TSPAN9: variants seen among roughly 807,000 people sequenced by gnomAD.
TSPAN9 encodes the protein tetraspanin 9.
A neutral mutation model predicts 31.0 loss-of-function variants in TSPAN9; 16 were observed. The observed-to-expected ratio is 0.52, with a 90% CI of 0.35 to 0.78. The LOEUF is 0.78. Ranked by LOEUF, TSPAN9 falls within the 30% of genes least tolerant of loss-of-function variation. The pLI, the probability that TSPAN9 is intolerant of heterozygous loss-of-function variation, is 0.01. For missense variants in TSPAN9, 272 were observed against 312.5 expected (o/e 0.87, Z 0.98); for synonymous variants, 145 against 121.6 (o/e 1.19, Z -1.27).
chr12:3,238,389 G>A (rs1206649584), intron 3 of TSPAN9, among the ~76,000 whole-genome samples: 3 of 152,222 alleles, frequency 2.0e-5, no homozygotes, highest in Non-Finnish European at 4.4e-5. Context: ...AGCACAGTCC[G>A]CAGCTGCCAG....
chr12:3,178,563 T>A (rs1040240123), intron 2 of TSPAN9, among the ~76,000 whole-genome samples: 4 of 152,338 alleles, frequency 2.6e-5, no homozygotes, highest in Admixed American at 6.5e-5. Context: ...AGTGCTGGGA[T>A]TATAGGCGTG....
intron 2 of TSPAN9, among the ~76,000 whole-genome samples, chr12:3,132,698 C>T (rs2098330329): frequency 6.6e-6 from 1 of 152,214 alleles, no homozygotes; most frequent in Non-Finnish European, 1.5e-5. Flanking sequence ...GCGTGGACGA[C>T]TCCCACTTCC....
At chr12:3,137,284 G>A (rs2098332553) in intron 2 of TSPAN9, among the ~76,000 whole-genome samples, 7 of 152,172 alleles carry the variant, frequency 4.6e-5, no homozygotes, top group Admixed American at 4.6e-4. Context: ...CCGCAGCTGG[G>A]CCCTGCCCAC....
chr12:3,234,041 G>A (rs529986359), intron 3 of TSPAN9, among the ~76,000 whole-genome samples: 3 of 152,198 alleles, frequency 2.0e-5, no homozygotes, highest in African/African-American at 7.2e-5. Flanking sequence ...TTGTGTAAAC[G>A]TGGGTGTGTA....
chr12:3,186,546 TTGTGTGTGTGTGTGTG>T (rs61329208), intron 2 of TSPAN9, among the ~76,000 whole-genome samples: 4 of 135,860 alleles, frequency 2.9e-5, no homozygotes, highest in Non-Finnish European at 6.5e-5. Context: ...AGGAGTTTGT[TTGTGTGTGTGTGTGTG>T]TGTGTGTGTG....
chr12:3,260,026 A>G (rs1862418494), intron 3 of TSPAN9, among the ~76,000 whole-genome samples: 1 of 152,208 alleles, frequency 6.6e-6, no homozygotes, highest in African/African-American at 2.4e-5. Flanking sequence ...CTGTAGCTTG[A>G]GCAGGAAGAT....
chr12:3,124,860 C>G (rs967664845), intron 2 of TSPAN9: 2 of 152,080 alleles, frequency 1.3e-5, no homozygotes, highest in African/African-American at 2.4e-5. Context: ...GAGTTCGAGA[C>G]CAGCCTAGGC....
At position 3,286,159 on chromosome 12, in the gene TSPAN9, C is replaced by CT. The variant is rs1863012087; in HGVS notation, c.*3044dup. On this transcript the variant is annotated 3_prime_UTR_variant, in exon 9 of 9. Transcript: ENST00000011898. This position sits in a 1 kb window ranked among gnomAD's most constrained non-coding sequence, Gnocchi z 4.1. ...GCCCACCCACTGGTGGAGGTGCTAA[C>CT]TAGCAGGGACGTGGCATAGGATGGG... is the stretch of plus-strand genomic sequence containing the variant. The CT allele has an allele frequency of 6.5e-6, 1 of 152,810 alleles. No individual in the cohort carries two copies. The highest frequency in any genetic ancestry group is 2.4e-5 in the African/African-American group (1 of 41,468). The allele number at this position is 152,810 out of a possible 1,614,324, so 9.5% of individuals were successfully genotyped here. A position where few individuals can be genotyped will look rare whatever the true frequency, so the allele number is the denominator to read the frequency against.
intron 2 of TSPAN9, among the ~76,000 whole-genome samples, chr12:3,180,436 C>T (rs1395414232): frequency 2.0e-5 from 3 of 151,858 alleles, no homozygotes; most frequent in Non-Finnish European, 4.4e-5. Context: ...GTGATTGTAC[C>T]ACTGCACTCC....
At chr12:3,136,578 G>A (rs1243133432) in intron 2 of TSPAN9, among the ~76,000 whole-genome samples, 1 of 152,194 alleles carries the variant, frequency 6.6e-6, no homozygotes, top group Non-Finnish European at 1.5e-5. Flanking sequence ...CTCTCCTTTT[G>A]TCGTGAAGCG....
chr12:3,123,739 G>A (rs2098326166), intron 2 of TSPAN9, among the ~76,000 whole-genome samples: 1 of 152,128 alleles, frequency 6.6e-6, no homozygotes, highest in Non-Finnish European at 1.5e-5. Flanking sequence ...CACTCTCTGG[G>A]AGAGGGATGG....
chr12:3,103,222 G>A (rs953336699), intron 2 of TSPAN9, among the ~76,000 whole-genome samples: 1 of 152,198 alleles, frequency 6.6e-6, no homozygotes, highest in Non-Finnish European at 1.5e-5. Flanking sequence ...ACCAGTTCCT[G>A]CCTCAGAACA....
intron 2 of TSPAN9, chr12:3,173,731 G>A: frequency 6.6e-6 from 1 of 152,310 alleles, no homozygotes; most frequent in Middle Eastern, 3.4e-3. Context: ...GGTCTCAAGT[G>A]ATCCTGTTCC....
intron 3 of TSPAN9, among the ~76,000 whole-genome samples, chr12:3,231,462 A>G (rs1416829690): frequency 6.6e-6 from 1 of 152,216 alleles, no homozygotes; most frequent in African/African-American, 2.4e-5. Flanking sequence ...GTCCTGCATC[A>G]GCCCCGCGTC....
At chr12:3,154,893 A>T (rs1346669663) in intron 2 of TSPAN9, among the ~76,000 whole-genome samples, 1 of 152,186 alleles carries the variant, frequency 6.6e-6, no homozygotes, top group Non-Finnish European at 1.5e-5. Context: ...ACGTGATCAC[A>T]GTGAGCCCCT....
chr12:3,244,592 C>G (rs1310440293), intron 3 of TSPAN9, among the ~76,000 whole-genome samples: 1 of 152,182 alleles, frequency 6.6e-6, no homozygotes, highest in Admixed American at 6.5e-5. Flanking sequence ...CACCTCACGC[C>G]CCACCGGACC....
At chr12:3,112,815 T>TG (rs2098319838) in intron 2 of TSPAN9, among the ~76,000 whole-genome samples, 1 of 151,732 alleles carries the variant, frequency 6.6e-6, no homozygotes, top group Non-Finnish European at 1.5e-5. Flanking sequence ...CCCCCGTAGC[T>TG]GGGGCTATAG....
At chr12:3,224,875 T>G (rs1451616696) in intron 3 of TSPAN9, among the ~76,000 whole-genome samples, 11 of 151,958 alleles carry the variant, frequency 7.2e-5, no homozygotes. Context: ...GAGGGGCTTG[T>G]GGGGGGCTGC....
rs1208357602 is a variant in TSPAN9, at chr12:3,211,247, A to G, written c.63+9991A>G. ...GCTCTGATTTTTCCTCCATAGCTCCATTGATTAACTAGTCCACCTTTCCCC... is the reference window on the plus strand; with the variant it reads ...GCTCTGATTTTTCCTCCATAGCTCCGTTGATTAACTAGTCCACCTTTCCCC... On this transcript the variant is annotated intron_variant, in intron 3 of 8. Transcript: ENST00000011898. 3.3e-5 allele frequency among the ~76,000 whole-genome samples: 5 copies of G among 152,268 alleles called. No homozygotes were observed. The East Asian group carries it at 9.7e-4, about 29-fold the overall frequency.
Sources: allele counts gnomAD v4.1 joint callset (sites outside exome capture counted in the v4.1 genomes callset), GRCh38; gene constraint gnomAD v4.1.1; non-coding constraint Gnocchi (gnomAD v3.1); transcripts MANE v1.5; gene names NCBI Gene and HGNC (gene_info 2026-07-23, HGNC 2026-07-21).